The following GARNL3 variants were observed in gnomAD, a reference collection of about 807,000 sequenced individuals.
GARNL3 encodes the protein GTPase-activating Rap/Ran-GAP domain-like protein 3.
A neutral mutation model predicts 125.0 loss-of-function variants in GARNL3; 63 were observed. The ratio of observed to expected loss-of-function variants is 0.50; its 90% CI spans 0.41 to 0.62. The LOEUF is 0.62. GARNL3 is among the 20% of genes least tolerant of loss of function. GARNL3 has a pLI of 0.00. For missense variants in GARNL3, 994 were observed against 1,244.0 expected, an observed-to-expected ratio of 0.80 and a Z score of 3.02; for synonymous variants, 439 against 457.5, an observed-to-expected ratio of 0.96 and a Z score of 0.52.
rs143057496 is a variant in GARNL3 at position 127,378,337 on chromosome 9, C to T, written c.2162-5101C>T. ...GGCACCATGGTCACGCCTGTAATCC[C>T]AGCACTTTGGGAGGCCAAGAGGGCA... On this transcript the variant is annotated intron_variant, in intron 22 of 27. Transcript: ENST00000373387. 4.1e-4 allele frequency among the ~76,000 whole-genome samples: 62 copies of T among 151,912 alleles called. No homozygotes were observed. The East Asian group carries it at 5.4e-3, about 13-fold the overall frequency.
chr9:127,292,252 CT>C (rs2064444948), intron 2 of GARNL3, among the ~76,000 whole-genome samples: 2 of 152,224 alleles, frequency 1.3e-5, no homozygotes, highest in African/African-American at 2.4e-5. Context: ...CTGAATACCC[CT>C]GAATAGGTAC....
intron 22 of GARNL3, among the ~76,000 whole-genome samples, chr9:127,380,262 A>C (rs2131804502): frequency 6.7e-6 from 1 of 149,686 alleles, no homozygotes; most frequent in South Asian, 2.1e-4. Flanking sequence ...CTGGGACATA[A>C]GGTTGCAGAT....
At chr9:127,335,566 C>CGT (rs2131585085) in intron 10 of GARNL3, among the ~76,000 whole-genome samples, 1 of 152,070 alleles carries the variant, frequency 6.6e-6, no homozygotes, top group Admixed American at 6.6e-5. Context: ...AATGTGCATG[C>CGT]GTGTGTATGT....
At chr9:127,237,566 A>G (rs1474797486) in intron 1 of GARNL3, among the ~76,000 whole-genome samples, 1 of 152,220 alleles carries the variant, frequency 6.6e-6, no homozygotes, top group Non-Finnish European at 1.5e-5. Flanking sequence ...CACAGACAGT[A>G]TTTTTCTCCA....
chr9:127,331,207 G>A (rs866498554), intron 7 of GARNL3, among the ~76,000 whole-genome samples: 1 of 152,092 alleles, frequency 6.6e-6, no homozygotes, highest in Non-Finnish European at 1.5e-5. Flanking sequence ...AACCACTACT[G>A]GCCGGGCATG....
At chr9:127,311,837 A>C (rs1217904001) in intron 3 of GARNL3, 102 bp downstream of exon 3, 1 of 730,746 alleles carries the variant, frequency 1.4e-6, no homozygotes, top group Non-Finnish European at 2.4e-6. Flanking sequence ...TAGCCATTTT[A>C]GGAACACTAA....
At chr9:127,343,774 A>G (rs759738797) in intron 14 of GARNL3, among the ~76,000 whole-genome samples, 3 of 152,236 alleles carry the variant, frequency 2.0e-5, no homozygotes, top group Non-Finnish European at 2.9e-5. Flanking sequence ...GGAGACAGGT[A>G]TTAACCACAC....
At chr9:127,231,232 T>TG (rs1554887559) in intron 1 of GARNL3, among the ~76,000 whole-genome samples, 15 of 133,940 alleles carry the variant, frequency 1.1e-4, no homozygotes, top group Non-Finnish European at 1.6e-4. Context: ...TTTTTTGTTT[T>TG]TTTTTTTTTT....
At chr9:127,260,488 A>G (rs7857422), upstream of GARNL3, among the ~76,000 whole-genome samples, 6,123 of 152,240 alleles carry the variant, frequency 0.04, 415 homozygotes, top group African/African-American at 0.14. Flanking sequence ...CACACTAATC[A>G]GTTTCTGGGT....
At chr9:127,233,904 G>A (rs1007869559) in intron 1 of GARNL3, among the ~76,000 whole-genome samples, 1 of 152,096 alleles carries the variant, frequency 6.6e-6, no homozygotes, top group Non-Finnish European at 1.5e-5. Flanking sequence ...TGTTTTTCTT[G>A]TAGTTTTCCA....
At chr9:127,342,163 TTG>T (rs1219687044) in intron 13 of GARNL3, 54 bp from the exon 14 acceptor site, 11 of 1,054,998 alleles carry the variant, frequency 1.0e-5, no homozygotes, top group African/African-American at 1.6e-5. Flanking sequence ...GTTTCAATTC[TTG>T]TGTGTGTGTC....
chr9:127,273,771 C>G (rs2779730), intron 1 of GARNL3, among the ~76,000 whole-genome samples: 2,699 of 152,192 alleles, frequency 0.018, 43 homozygotes, highest in Middle Eastern at 0.034. Flanking sequence ...TTTCTCAGGA[C>G]CAAAAAGTGC....
chr9:127,278,893 G>A (rs1043759572), intron 1 of GARNL3, among the ~76,000 whole-genome samples: 4 of 151,998 alleles, frequency 2.6e-5, no homozygotes, highest in African/African-American at 9.7e-5. Flanking sequence ...TTATCACATC[G>A]CCTTCTCTCT....
chr9:127,380,850 C>A (rs1406119410), intron 22 of GARNL3, among the ~76,000 whole-genome samples: 1 of 152,126 alleles, frequency 6.6e-6, no homozygotes, highest in East Asian at 1.9e-4. Flanking sequence ...TTAGACAACC[C>A]TGTAAATATG....
chr9:127,387,256 G>C lies in GARNL3; in HGVS notation c.2452G>C (p.Gly818Arg). The change falls in exon 25 of 28, where the codon GGG becomes CGG. Residue 818 changes from glycine to arginine, a missense_variant. Transcript: ENST00000373387. ...GGTCTCATCTGGAGGCAGCTCCAAGGGGGCCAGTGCCCGAAATTCTCCTCA... is the reference window on the plus strand; with the variant it reads ...GGTCTCATCTGGAGGCAGCTCCAAGCGGGCCAGTGCCCGAAATTCTCCTCA... ...NEVSSGGSSK[G>R]ASARNSPQTP... The C allele has an allele frequency of 6.2e-7, 1 of 1,614,066 alleles. No homozygotes were observed. Among genetic ancestry groups the C allele is most frequent in the Non-Finnish European group, 8.5e-7 (1 of 1,179,944 alleles).
chr9:127,360,712 G>A (rs1483361278), intron 21 of GARNL3, among the ~76,000 whole-genome samples: 2 of 152,084 alleles, frequency 1.3e-5, no homozygotes, highest in African/African-American at 2.4e-5. Context: ...GTCTACATTC[G>A]CTGCCTGCCC....
At chr9:127,374,921 A>C (rs922047939) in intron 22 of GARNL3, among the ~76,000 whole-genome samples, 2 of 152,018 alleles carry the variant, frequency 1.3e-5, no homozygotes, top group African/African-American at 4.8e-5. Context: ...AAAAAAAAAA[A>C]AAAACAACAA....
At chr9:127,256,988 C>T (rs898742194) in intron 2 of GARNL3, among the ~76,000 whole-genome samples, 1 of 152,206 alleles carries the variant, frequency 6.6e-6, no homozygotes, top group African/African-American at 2.4e-5. Flanking sequence ...TCCATCCTCC[C>T]TCTATAATTT....
At chr9:127,259,259 T>G (rs945865109), upstream of GARNL3, among the ~76,000 whole-genome samples, 2 of 152,224 alleles carry the variant, frequency 1.3e-5, no homozygotes, top group Non-Finnish European at 2.9e-5. Context: ...TGGAAATCTT[T>G]GCTCTCATCC....
Sources: allele counts gnomAD v4.1 joint callset (sites outside exome capture counted in the v4.1 genomes callset), GRCh38; gene constraint gnomAD v4.1.1; transcripts MANE v1.5; gene names NCBI Gene and HGNC (gene_info 2026-07-23, HGNC 2026-07-21).